Variants in DCC observed in about 807,000 individuals in gnomAD.
The protein encoded by DCC is netrin receptor DCC.
In DCC, 58 loss-of-function variants were observed where a neutral mutation model predicts 172.5. The ratio of observed to expected loss-of-function variants is 0.34; its 90% CI spans 0.27 to 0.42. The LOEUF (loss-of-function observed/expected upper bound fraction) is 0.42. DCC is among the 10% of genes least tolerant of loss of function. DCC has a pLI of 1.00. For synonymous variants in DCC, 709 were observed against 644.5 expected, an observed-to-expected ratio of 1.10 and a Z score of -1.52; for missense variants, 1,740 against 1,791.0, an observed-to-expected ratio of 0.97 and a Z score of 0.51.
intron 1 of DCC, among the ~76,000 whole-genome samples, chr18:52,732,331 CT>C (rs2036655280): frequency 6.6e-6 from 1 of 152,090 alleles, no homozygotes; most frequent in Non-Finnish European, 1.5e-5. Flanking sequence ...GGGAGAAGGG[CT>C]TTGAAAAAGT....
chr18:52,867,470 T>A (rs764051254), intron 2 of DCC, among the ~76,000 whole-genome samples: 4 of 152,086 alleles, frequency 2.6e-5, no homozygotes, highest in Non-Finnish European at 5.9e-5. Flanking sequence ...GCTCCTCTTT[T>A]TACCTCTGGT....
At chr18:53,327,856 C>T (rs2057484679) in intron 14 of DCC, among the ~76,000 whole-genome samples, 1 of 152,066 alleles carries the variant, frequency 6.6e-6, no homozygotes, top group South Asian at 2.1e-4. Flanking sequence ...CTTTCTTGTA[C>T]TTTTGATAGG....
intron 15 of DCC, among the ~76,000 whole-genome samples, chr18:53,359,482 C>T (rs2057920366): frequency 6.6e-6 from 1 of 152,028 alleles, no homozygotes; most frequent in Non-Finnish European, 1.5e-5. Flanking sequence ...CCTGGTAAAA[C>T]AAGAATCCAG....
chr18:52,931,227 G>A (rs141522643), intron 5 of DCC, among the ~76,000 whole-genome samples: 10 of 152,142 alleles, frequency 6.6e-5, no homozygotes, highest in Non-Finnish European at 1.3e-4. Flanking sequence ...GGATTATCCT[G>A]CAGGACTGAG....
In DCC at chr18:52,538,649, G is replaced by GT. The variant is rs555386383; in HGVS notation, c.91+197772dup. On this transcript the variant is annotated intron_variant, in intron 1 of 28. Coordinates refer to ENST00000442544, the MANE Select transcript of DCC (RefSeq NM_005215.4). ...AATCTTCCTTATCTTCCTATCTCCA[G>GT]TAGCCCTTTCACAGGGCCAGCCTTG... is the stretch of plus-strand genomic sequence containing the variant. Among the ~76,000 whole-genome samples, 40 of 152,182 alleles carry GT rather than the reference G, an allele frequency of 2.6e-4. No individual in the cohort carries two copies. The South Asian group carries it at 2.7e-3, about 10-fold the overall frequency.
rs571208944 is a variant in DCC at position 52,641,513 on chromosome 18, G to C, written c.92-110541G>C. ...ATCTACAATGAACTCAAACAAATCTGTAAGAAAAAAACAAACAATCTCATC... is the reference window on the plus strand; with the variant it reads ...ATCTACAATGAACTCAAACAAATCTCTAAGAAAAAAACAAACAATCTCATC... On this transcript the variant is annotated intron_variant, in intron 1 of 28. Coordinates refer to ENST00000442544, the MANE Select transcript of DCC (RefSeq NM_005215.4). Among the ~76,000 whole-genome samples, 11 of 151,790 alleles carry C rather than the reference G, an allele frequency of 7.2e-5. No individual in the cohort carries two copies. In the East Asian group the frequency reaches 2.1e-3, roughly 29 times the overall value.
At chr18:52,661,473 T>C (rs768203) in intron 1 of DCC, among the ~76,000 whole-genome samples, 24,723 of 152,156 alleles carry the variant, frequency 0.16, 2,171 homozygotes, top group Admixed American at 0.26. Flanking sequence ...GCAGGCAAAC[T>C]GGTTGGTGAG....
chr18:53,070,970 C>T (rs2042643877), intron 7 of DCC, among the ~76,000 whole-genome samples: 1 of 152,114 alleles, frequency 6.6e-6, no homozygotes, highest in African/African-American at 2.4e-5. Flanking sequence ...AGAACATAGC[C>T]CTCTCTGTTT....
At chr18:53,167,109 C>T (rs757387156) in intron 8 of DCC, among the ~76,000 whole-genome samples, 5 of 152,146 alleles carry the variant, frequency 3.3e-5, no homozygotes, top group African/African-American at 4.8e-5. Flanking sequence ...GTAACTCTTC[C>T]TCCCTGAAGC....
intron 2 of DCC, among the ~76,000 whole-genome samples, chr18:52,867,129 G>A (rs1359212518): frequency 6.6e-6 from 1 of 152,194 alleles, no homozygotes; most frequent in Non-Finnish European, 1.5e-5. Flanking sequence ...AGCATCTATT[G>A]AGATAATCAT....
At chr18:53,176,927 C>A (rs1455573923) in intron 8 of DCC, among the ~76,000 whole-genome samples, 6 of 151,324 alleles carry the variant, frequency 4.0e-5, no homozygotes, top group Non-Finnish European at 7.4e-5. Context: ...TTGGAACCAA[C>A]CCAAATGTCC....
intron 19 of DCC, among the ~76,000 whole-genome samples, chr18:53,403,279 C>G (rs1487012915): frequency 7.8e-6 from 1 of 128,014 alleles, no homozygotes; most frequent in Admixed American, 7.4e-5. Flanking sequence ...ACAAAAGATG[C>G]TTAATGACTG....
chr18:52,998,640 TTGAGCAACTTTTA>T (rs2041519889), intron 5 of DCC, among the ~76,000 whole-genome samples: 2 of 152,022 alleles, frequency 1.3e-5, no homozygotes, highest in Admixed American at 6.6e-5. Flanking sequence ...TGACCAATGT[TTGAGCAACTTTTA>T]TGAAACTCTA....
intron 8 of DCC, among the ~76,000 whole-genome samples, chr18:53,164,131 G>A (rs1029956330): frequency 2.0e-5 from 3 of 152,150 alleles, no homozygotes; most frequent in Non-Finnish European, 2.9e-5. Flanking sequence ...GATATTTATA[G>A]AATTATGACA....
chr18:53,088,540 C>T (rs1399463982), intron 7 of DCC, among the ~76,000 whole-genome samples: 5 of 152,080 alleles, frequency 3.3e-5, no homozygotes, highest in Non-Finnish European at 5.9e-5. Context: ...ACAATCATGT[C>T]GTCTGCAAAT....
chr18:53,216,811 G>A (rs1396479940), intron 12 of DCC, among the ~76,000 whole-genome samples: 9 of 151,984 alleles, frequency 5.9e-5, no homozygotes, highest in Non-Finnish European at 1.2e-4. Context: ...TAAACTTAGT[G>A]GAAAAAATGA....
chr18:52,997,049 T>G (rs1599012302), intron 5 of DCC, among the ~76,000 whole-genome samples: 2 of 152,196 alleles, frequency 1.3e-5, no homozygotes, highest in South Asian at 2.1e-4. Flanking sequence ...GCCTAGAATA[T>G]TGCCTAATTA....
At chr18:53,277,712 G>A (rs953254214) in intron 12 of DCC, among the ~76,000 whole-genome samples, 30 of 152,036 alleles carry the variant, frequency 2.0e-4, no homozygotes, top group African/African-American at 3.9e-4. Flanking sequence ...TAAAGCCCTC[G>A]CTGTACAGAA....
At chr18:52,961,203 A>G (rs187988990) in intron 5 of DCC, among the ~76,000 whole-genome samples, 2,048 of 152,220 alleles carry the variant, frequency 0.013, 62 homozygotes, top group African/African-American at 0.047. Flanking sequence ...ATGAAGAGTT[A>G]ATGGGTGCAG....
Sources: gnomAD v4.1 joint callset for allele counts (sites outside exome capture counted in the v4.1 genomes callset) on GRCh38, gnomAD v4.1.1 for gene constraint, MANE v1.5 for transcripts, NCBI Gene and HGNC (gene_info 2026-07-23, HGNC 2026-07-21) for gene names.